SESTD1: variants seen among roughly 807,000 people sequenced by gnomAD.
SESTD1 encodes the protein SEC14 domain and spectrin repeat-containing protein 1.
A neutral mutation model predicts 101.7 loss-of-function variants in SESTD1; 43 were observed. The observed-to-expected ratio is 0.42, with a 90% confidence interval of 0.33 to 0.55. SESTD1 has a LOEUF of 0.55. SESTD1 is among the 20% of genes least tolerant of loss of function. SESTD1 has a pLI of 0.07. For missense variants in SESTD1, 647 were observed against 815.1 expected, an observed-to-expected ratio of 0.79 and a Z score of 2.51; for synonymous variants, 283 against 286.8, an observed-to-expected ratio of 0.99 and a Z score of 0.13.
At chr2:179,167,129 T>C (rs1010704811) in intron 5 of SESTD1, among the ~76,000 whole-genome samples, 1 of 152,192 alleles carries the variant, frequency 6.6e-6, no homozygotes, top group East Asian at 1.9e-4. Flanking sequence ...TTTAAGATAC[T>C]GATGCTATAG....
chr2:179,258,366 C>A (rs1006619210), intron 1 of SESTD1, among the ~76,000 whole-genome samples: 25 of 152,158 alleles, frequency 1.6e-4, no homozygotes, highest in African/African-American at 6.0e-4. Flanking sequence ...TTTCATACAT[C>A]CCTAGCACAA....
At chr2:179,114,993 A>C in intron 16 of SESTD1, 72 bp downstream of exon 16, 1 of 1,276,202 alleles carries the variant, frequency 7.8e-7, no homozygotes, top group South Asian at 1.4e-5. Context: ...TAGTTACATT[A>C]CTAAAATTAA....
intron 1 of SESTD1, among the ~76,000 whole-genome samples, chr2:179,229,170 T>C: frequency 6.6e-6 from 1 of 152,300 alleles, no homozygotes; most frequent in African/African-American, 2.4e-5. Flanking sequence ...TGGTTAAACA[T>C]TATGTCTGGT....
In SESTD1 at chr2:179,132,428, T is replaced by C; in HGVS notation, c.850-2A>G. 6.5e-7 allele frequency: 1 copy of C among 1,545,324 alleles called. No individual in the cohort carries two copies. The highest frequency in any genetic ancestry group is 8.6e-7 in the Non-Finnish European group (1 of 1,158,650). ...AGGCCCTTCTAGCCAGTTCACCACC[T>C]ATAAACAAAAGTTGAGATAACATTT... On this transcript the variant is annotated splice_acceptor_variant, in intron 9 of 17. Coordinates refer to ENST00000428443, the MANE Select transcript of SESTD1 (RefSeq NM_178123.5). LOFTEE classifies it high-confidence loss of function.
intron 1 of SESTD1, among the ~76,000 whole-genome samples, chr2:179,245,869 A>G (rs2047222162): frequency 6.6e-6 from 1 of 152,200 alleles, no homozygotes; most frequent in South Asian, 2.1e-4. Context: ...AGATTAAAAA[A>G]CATCACCCAA....
chr2:179,222,134 T>A (rs2046824785), intron 1 of SESTD1, among the ~76,000 whole-genome samples: 1 of 152,162 alleles, frequency 6.6e-6, no homozygotes, highest in Non-Finnish European at 1.5e-5. Flanking sequence ...CTGTAAGCGA[T>A]ATTAGCTATC....
chr2:179,146,157 G>T (rs1351499254), intron 8 of SESTD1, among the ~76,000 whole-genome samples: 1 of 152,022 alleles, frequency 6.6e-6, no homozygotes, highest in Non-Finnish European at 1.5e-5. Flanking sequence ...AGGGATCCAG[G>T]TTGTGTGCTC....
chr2:179,143,870 C>T, intron 8 of SESTD1, 67 bp from the exon 9 acceptor site: 2 of 1,524,750 alleles, frequency 1.3e-6, no homozygotes, highest in Non-Finnish European at 1.8e-6. Context: ...TCTCAATATT[C>T]CCAATTCTAG....
intron 1 of SESTD1, among the ~76,000 whole-genome samples, chr2:179,227,666 T>C (rs1244298355): frequency 6.6e-6 from 1 of 152,188 alleles, no homozygotes; most frequent in Non-Finnish European, 1.5e-5. Context: ...TTTCTTAAAG[T>C]CTCACTGCTT....
chr2:179,205,972 G>A (rs2046585624), intron 1 of SESTD1, among the ~76,000 whole-genome samples: 1 of 133,800 alleles, frequency 7.5e-6, no homozygotes, highest in Admixed American at 7.3e-5. Flanking sequence ...GTTTAGCACA[G>A]TCATTAAAAA....
chr2:179,160,011 C>T (rs1482633028), intron 5 of SESTD1, among the ~76,000 whole-genome samples: 1 of 152,098 alleles, frequency 6.6e-6, no homozygotes, highest in Non-Finnish European at 1.5e-5. Context: ...CCCACCATCA[C>T]GCCCAACTAG....
intron 4 of SESTD1, among the ~76,000 whole-genome samples, chr2:179,172,669 T>A (rs2045947237): frequency 6.6e-6 from 1 of 152,208 alleles, no homozygotes; most frequent in South Asian, 2.1e-4. Context: ...TATCAGTCAT[T>A]ATACAATGAG....
At chr2:179,258,410 C>G (rs2047432212) in intron 1 of SESTD1, among the ~76,000 whole-genome samples, 4 of 152,090 alleles carry the variant, frequency 2.6e-5, no homozygotes, top group Admixed American at 2.6e-4. Flanking sequence ...TATCACTGAA[C>G]CTGATCAAAT....
chr2:179,165,498 A>G (rs6433764), intron 5 of SESTD1, among the ~76,000 whole-genome samples: 70,061 of 151,898 alleles, frequency 0.46, 19,373 homozygotes, highest in African/African-American at 0.78. Flanking sequence ...TCGGCTATTT[A>G]CCCCTGGTTC....
chr2:179,134,162 G>A (rs915278468), intron 9 of SESTD1, among the ~76,000 whole-genome samples: 5 of 135,918 alleles, frequency 3.7e-5, no homozygotes, highest in African/African-American at 1.2e-4. Flanking sequence ...AAATACCAAG[G>A]GACAACCATA....
Position 179,247,729 on chromosome 2 carries a change from C to T in SESTD1, c.-26+16770G>A, listed in dbSNP as rs544547409. Among the ~76,000 whole-genome samples the T allele has an allele frequency of 3.9e-5, 6 of 152,050 alleles. No homozygotes were observed. In the South Asian group the frequency reaches 1.0e-3, roughly 26 times the overall value. ...GGCTAGGGTTATAGGCATGAACCAC[C>T]GTGCCTGATTAAAGGATGTTATTTC... is the stretch of plus-strand genomic sequence containing the variant. On this transcript the variant is annotated intron_variant, in intron 1 of 17. Transcript: ENST00000428443.
rs557813150 is a variant in SESTD1 at position 179,258,860 on chromosome 2, T to C, written c.-26+5639A>G. 1.4e-4 allele frequency among the ~76,000 whole-genome samples: 22 copies of C among 152,362 alleles called. No homozygotes were observed. The South Asian group carries it at 2.9e-3, about 20-fold the overall frequency. On this transcript the variant is annotated intron_variant, in intron 1 of 17. Transcript: ENST00000428443. ...ATCTTAAATTACTACTCTTAAGCAC[T>C]GGCATTGGGACACATTAACAATCCT...
intron 1 of SESTD1, among the ~76,000 whole-genome samples, chr2:179,251,829 C>T (rs1262259726): frequency 1.3e-5 from 2 of 152,146 alleles, no homozygotes; most frequent in African/African-American, 2.4e-5. Context: ...AAGAAGCTGG[C>T]CCTCACCAGA....
intron 1 of SESTD1, among the ~76,000 whole-genome samples, chr2:179,249,212 T>A (rs200061434): frequency 3.2e-5 from 4 of 126,016 alleles, no homozygotes; most frequent in Non-Finnish European, 5.0e-5. Flanking sequence ...GCATACAGAT[T>A]AAAAAAAAAA....
Sources: allele counts gnomAD v4.1 joint callset (sites outside exome capture counted in the v4.1 genomes callset), GRCh38; gene constraint gnomAD v4.1.1; transcripts MANE v1.5; gene names NCBI Gene and HGNC (gene_info 2026-07-23, HGNC 2026-07-21).